Variants in RALYL observed in about 807,000 individuals in gnomAD.
RALYL encodes RALY RNA binding protein like.
Under a neutral mutation model 35.1 loss-of-function variants are expected in RALYL, and 29 were observed. That is an observed-to-expected ratio of 0.83 (90% CI 0.61 to 1.13). The LOEUF (loss-of-function observed/expected upper bound fraction) is 1.13, where lower values mean the gene tolerates loss of function less well. Ranked by LOEUF, RALYL falls within the 50% of genes most tolerant of loss-of-function variation. The probability of loss-of-function intolerance (pLI) is 0.00; values close to 1 mark genes in which losing one functional copy is unlikely to be tolerated. For missense variants in RALYL, 359 were observed against 360.4 expected, an observed-to-expected ratio of 1.00 and a Z score of 0.03; for synonymous variants, 120 against 127.6, an observed-to-expected ratio of 0.94 and a Z score of 0.40.
intron 1 of RALYL, among the ~76,000 whole-genome samples, chr8:84,512,609 A>G (rs1170345327): frequency 6.6e-6 from 1 of 152,022 alleles, no homozygotes; most frequent in Non-Finnish European, 1.5e-5. Context: ...ATTTGCCTTG[A>G]CCAATGTCCA....
At chr8:84,753,661 C>G (rs925149625) in intron 2 of RALYL, among the ~76,000 whole-genome samples, 8 of 152,106 alleles carry the variant, frequency 5.3e-5, no homozygotes, top group Non-Finnish European at 1.0e-4. Flanking sequence ...TATGGCACCT[C>G]TTCCCCACCC....
intron 1 of RALYL, among the ~76,000 whole-genome samples, chr8:84,296,170 C>G (rs10100821): frequency 0.65 from 99,165 of 151,884 alleles, 33,087 homozygotes; most frequent in African/African-American, 0.78. Context: ...AGTGATATGT[C>G]TATGAGAAAC....
intron 2 of RALYL, among the ~76,000 whole-genome samples, chr8:84,671,800 T>G (rs1231533663): frequency 2.0e-5 from 3 of 152,232 alleles, no homozygotes; most frequent in African/African-American, 7.2e-5. Context: ...TGGGAGGGGC[T>G]GCTGGAAGGT....
chr8:84,869,354 ATTTC>A (rs769941235), intron 6 of RALYL, among the ~76,000 whole-genome samples: 10 of 147,502 alleles, frequency 6.8e-5, no homozygotes, highest in Non-Finnish European at 1.3e-4. Context: ...AATTTTATTT[ATTTC>A]TTTGTTTTGG....
chr8:84,872,178 T>C (rs1771690627), intron 6 of RALYL, among the ~76,000 whole-genome samples: 1 of 152,176 alleles, frequency 6.6e-6, no homozygotes, highest in Non-Finnish European at 1.5e-5. Flanking sequence ...AGCTGTTCCA[T>C]TGTAATGGCT....
intron 1 of RALYL, among the ~76,000 whole-genome samples, chr8:84,252,704 T>G (rs1302781604): frequency 3.9e-5 from 6 of 152,142 alleles, no homozygotes; most frequent in Non-Finnish European, 8.8e-5. Context: ...GACCTGCTTT[T>G]CTCTACCTGA....
intron 4 of RALYL, among the ~76,000 whole-genome samples, chr8:84,843,894 C>G (rs181277291): frequency 2.7e-4 from 41 of 152,284 alleles, no homozygotes; most frequent in African/African-American, 8.7e-4. Context: ...ATAAATGGTG[C>G]TGGGAAAACT....
At chr8:84,585,924 C>A (rs979190988) in intron 2 of RALYL, among the ~76,000 whole-genome samples, 2 of 151,948 alleles carry the variant, frequency 1.3e-5, no homozygotes, top group Non-Finnish European at 2.9e-5. Context: ...TGGCCAGGTG[C>A]GGTGGCTCAT....
At chr8:84,294,919 A>C (rs1190326044) in intron 1 of RALYL, among the ~76,000 whole-genome samples, 2 of 152,098 alleles carry the variant, frequency 1.3e-5, no homozygotes, top group Admixed American at 6.6e-5. Flanking sequence ...CCCTGCATTC[A>C]AAGCAGGGCA....
intron 1 of RALYL, among the ~76,000 whole-genome samples, chr8:84,189,480 T>C (rs1028924507): frequency 1.3e-5 from 2 of 152,194 alleles, no homozygotes; most frequent in African/African-American, 4.8e-5. Context: ...AAGGAACGGC[T>C]ATTTTTTCAT....
chr8:84,346,844 A>C (rs982771155), intron 1 of RALYL, among the ~76,000 whole-genome samples: 24 of 152,128 alleles, frequency 1.6e-4, no homozygotes, highest in Non-Finnish European at 2.8e-4. Context: ...AAAATACTTA[A>C]GACCATACAC....
At chr8:84,624,860 G>A (rs1310538683) in intron 2 of RALYL, among the ~76,000 whole-genome samples, 1 of 151,950 alleles carries the variant, frequency 6.6e-6, no homozygotes, top group Non-Finnish European at 1.5e-5. Flanking sequence ...TAACCTTCAG[G>A]GGCTCTTGTC....
In RALYL at chr8:84,202,519, C is replaced by G. The variant is rs1287626484; in HGVS notation, c.-24+18095C>G. On this transcript the variant is annotated intron_variant, in intron 1 of 8. Coordinates refer to ENST00000521268, the MANE Select transcript of RALYL (RefSeq NM_173848.7). ...CCCGAGTGGCTGGGATTACAGGTGC[C>G]CACCACCACGCCCAGCTAATTTTTT... is the stretch of plus-strand genomic sequence containing the variant. Among the ~76,000 whole-genome samples the G allele has an allele frequency of 4.6e-5, 7 of 151,836 alleles. No homozygotes were observed. In the East Asian group the frequency reaches 1.4e-3, roughly 29 times the overall value.
rs1001446291 is a variant in RALYL at position 84,238,474 on chromosome 8, T to C, written c.-24+54050T>C. Among the ~76,000 whole-genome samples, 12 of 152,162 alleles carry C rather than the reference T, an allele frequency of 7.9e-5. 1 individual carries two copies. Among genetic ancestry groups the C allele is most frequent in the Admixed American group, 5.9e-4 (9 of 15,266 alleles). The stretch of plus-strand genomic sequence containing the variant: ...TGCCACATGCATCCTAGGTGCACGG[T>C]TAAATTAACATTTGCTGCCTGAACT... On this transcript the variant is annotated intron_variant, in intron 1 of 8. Transcript: ENST00000521268.
intron 1 of RALYL, among the ~76,000 whole-genome samples, chr8:84,351,190 A>G (rs1563774622): frequency 6.7e-6 from 1 of 150,204 alleles, no homozygotes; most frequent in Non-Finnish European, 1.5e-5. Flanking sequence ...TAATAACTTA[A>G]TGTCATCTTG....
chr8:84,673,180 A>C (rs1436769581), intron 2 of RALYL, among the ~76,000 whole-genome samples: 1 of 152,024 alleles, frequency 6.6e-6, no homozygotes, highest in Non-Finnish European at 1.5e-5. Context: ...CTTTTGAAAA[A>C]TGTCTGTTCA....
intron 2 of RALYL, among the ~76,000 whole-genome samples, chr8:84,534,220 G>T (rs2059452627): frequency 6.6e-6 from 1 of 152,224 alleles, no homozygotes; most frequent in African/African-American, 2.4e-5. Flanking sequence ...AACAGGGCCT[G>T]TGCACATGCT....
chr8:84,879,572 G>A (rs371713415), intron 7 of RALYL, among the ~76,000 whole-genome samples: 103 of 152,080 alleles, frequency 6.8e-4, no homozygotes, highest in South Asian at 2.5e-3. Flanking sequence ...AAAACTGATC[G>A]AGAAGTAGCA....
chr8:84,268,212 T>C (rs1243190969), intron 1 of RALYL, among the ~76,000 whole-genome samples: 1 of 152,196 alleles, frequency 6.6e-6, no homozygotes, highest in African/African-American at 2.4e-5. Context: ...AGGTTGAGAC[T>C]CAACGAGACA....
Sources: allele counts gnomAD v4.1 joint callset (sites outside exome capture counted in the v4.1 genomes callset), GRCh38; gene constraint gnomAD v4.1.1; transcripts MANE v1.5; gene names NCBI Gene and HGNC (gene_info 2026-07-23, HGNC 2026-07-21).